The following PPP3CA variants were observed in gnomAD, a reference collection of about 807,000 sequenced individuals.
PPP3CA encodes the protein CAM-PRP catalytic subunit.
In PPP3CA, 14 loss-of-function variants were observed where a neutral mutation model predicts 66.5. That is an observed-to-expected ratio of 0.21 (90% CI 0.14 to 0.33). The LOEUF (loss-of-function observed/expected upper bound fraction) is 0.33. Ranked by LOEUF, PPP3CA falls within the 10% of genes least tolerant of loss-of-function variation. The probability of loss-of-function intolerance (pLI) is 1.00; values close to 1 mark genes in which losing one functional copy is unlikely to be tolerated. For synonymous variants in PPP3CA, 232 were observed against 226.2 expected, an observed-to-expected ratio of 1.03 and a Z score of -0.23; for missense variants, 317 against 639.5, an observed-to-expected ratio of 0.50 and a Z score of 5.44.
chr4:101,277,584 C>T (rs1460973270), intron 1 of PPP3CA, among the ~76,000 whole-genome samples: 1 of 152,182 alleles, frequency 6.6e-6, no homozygotes, highest in Non-Finnish European at 1.5e-5. Flanking sequence ...GCACATTCAA[C>T]TTACGCATGC....
chr4:101,326,619 G>A (rs1419382495), intron 1 of PPP3CA, among the ~76,000 whole-genome samples: 1 of 152,116 alleles, frequency 6.6e-6, no homozygotes, highest in East Asian at 1.9e-4. Context: ...ATCACAAACA[G>A]CAACAGGTAG....
intron 11 of PPP3CA, among the ~76,000 whole-genome samples, chr4:101,037,337 A>AGGTTGTATTTTATCTG (rs1371277688): frequency 1.3e-5 from 2 of 152,350 alleles, no homozygotes; most frequent in East Asian, 3.9e-4. Flanking sequence ...ACCCTAGGCA[A>AGGTTGTATTTTATCTG]CAGACTTGTA....
intron 1 of PPP3CA, among the ~76,000 whole-genome samples, chr4:101,213,283 A>T (rs778913779): frequency 6.6e-6 from 1 of 152,196 alleles, no homozygotes; most frequent in Non-Finnish European, 1.5e-5. Flanking sequence ...ACTATGAAAC[A>T]GTGTATGACC....
At chr4:101,055,745 C>T (rs921550300) in intron 10 of PPP3CA, among the ~76,000 whole-genome samples, 2 of 151,978 alleles carry the variant, frequency 1.3e-5, no homozygotes, top group African/African-American at 4.8e-5. Context: ...TTCTTCTTAG[C>T]CTATGTTAAA....
intron 6 of PPP3CA, among the ~76,000 whole-genome samples, chr4:101,087,762 A>G (rs1729734172): frequency 6.6e-6 from 1 of 152,180 alleles, no homozygotes; most frequent in African/African-American, 2.4e-5. Flanking sequence ...TTAACCTTGC[A>G]CATGTCGTTT....
intron 3 of PPP3CA, among the ~76,000 whole-genome samples, chr4:101,105,397 C>T (rs562337020): frequency 4.0e-5 from 6 of 151,566 alleles, no homozygotes; most frequent in East Asian, 3.9e-4. Context: ...GATCTCTTGA[C>T]CTCGTGATCT....
chr4:101,199,649 C>A (rs1250468892), intron 1 of PPP3CA, among the ~76,000 whole-genome samples: 1 of 152,198 alleles, frequency 6.6e-6, no homozygotes, highest in Non-Finnish European at 1.5e-5. Context: ...CCTTGACTGA[C>A]TCCTAACAGA....
chr4:101,153,488 C>T (rs1338884633), intron 2 of PPP3CA, among the ~76,000 whole-genome samples: 1 of 152,124 alleles, frequency 6.6e-6, no homozygotes, highest in African/African-American at 2.4e-5. Context: ...TGTATAAACA[C>T]TTGGTACATG....
chr4:101,032,162 A>G, intron 12 of PPP3CA, 105 bp downstream of exon 12: 1 of 820,928 alleles, frequency 1.2e-6, no homozygotes, highest in Non-Finnish European at 1.8e-6. Flanking sequence ...TGAGAAGAAG[A>G]ACCGAAGACC....
At chr4:101,163,500 T>C (rs529583433) in intron 2 of PPP3CA, among the ~76,000 whole-genome samples, 56 of 152,292 alleles carry the variant, frequency 3.7e-4, no homozygotes, top group African/African-American at 1.3e-3. Context: ...AATTGCTTGA[T>C]GTAGGCTTTA....
At chr4:101,067,494 GTA>G (rs1470258562) in intron 8 of PPP3CA, among the ~76,000 whole-genome samples, 1 of 150,798 alleles carries the variant, frequency 6.6e-6, no homozygotes, top group Non-Finnish European at 1.5e-5. Flanking sequence ...ATCCAAATCT[GTA>G]AAACAGGGGG....
chr4:101,180,964 G>A (rs1272896763), intron 2 of PPP3CA, among the ~76,000 whole-genome samples: 1 of 152,014 alleles, frequency 6.6e-6, no homozygotes, highest in Non-Finnish European at 1.5e-5. Context: ...ATATGGGAGG[G>A]TCGCTTTAGC....
intron 1 of PPP3CA, among the ~76,000 whole-genome samples, chr4:101,282,868 CTA>C (rs1267702033): frequency 3.3e-5 from 5 of 152,154 alleles, no homozygotes; most frequent in African/African-American, 7.2e-5. Context: ...TCATCCAACT[CTA>C]ATTTGAAATC....
chr4:101,146,464 A>G (rs1025253835), intron 2 of PPP3CA, among the ~76,000 whole-genome samples: 4 of 151,120 alleles, frequency 2.6e-5, no homozygotes, highest in Non-Finnish European at 5.9e-5. Context: ...TTTTTTTTAA[A>G]TGGAGTCTCG....
intron 5 of PPP3CA, among the ~76,000 whole-genome samples, chr4:101,097,295 G>T (rs1730237676): frequency 2.0e-5 from 3 of 151,894 alleles, no homozygotes; most frequent in Admixed American, 6.6e-5. Flanking sequence ...ATAATAAAAG[G>T]TTAGAATTAT....
At chr4:101,028,407 A>G (rs937716184) in intron 13 of PPP3CA, among the ~76,000 whole-genome samples, 6 of 152,228 alleles carry the variant, frequency 3.9e-5, no homozygotes, top group African/African-American at 1.4e-4. Context: ...CAGTGCTAGA[A>G]CACAGCTGGA....
At chr4:101,149,538 T>C (rs1723072924) in intron 2 of PPP3CA, among the ~76,000 whole-genome samples, 2 of 152,166 alleles carry the variant, frequency 1.3e-5, no homozygotes, top group South Asian at 2.1e-4. Flanking sequence ...ACAATGGCAA[T>C]GTTTGTTTTG....
rs1730714732 is a variant in PPP3CA, at chr4:101,106,445, GAAAGAAAGA to G, written c.384+2500_384+2508del. Reference sequence around the variant, plus strand: ...AGAAAGAAAGAAAGAAAGAAAGAAAGAAAGAAAGAGAAAAGAAAAGAAAAGAAAAGAAAA... The same window carrying G: ...AGAAAGAAAGAAAGAAAGAAAGAAAGGAAAAGAAAAGAAAAGAAAAGAAAA... On this transcript the variant is annotated intron_variant, in intron 3 of 13. Coordinates refer to ENST00000394854, the MANE Select transcript of PPP3CA (RefSeq NM_000944.5). Among the ~76,000 whole-genome samples the G allele has an allele frequency of 1.9e-3, 23 of 12,214 alleles. 9 individuals are homozygous for G. The highest frequency in any genetic ancestry group is 6.5e-3 in the African/African-American group (23 of 3,512). The allele number at this position is 12,214 out of a possible 152,430, so 8.0% of individuals were successfully genotyped here.
At chr4:101,208,976 T>C (rs572012886) in intron 1 of PPP3CA, among the ~76,000 whole-genome samples, 2 of 152,264 alleles carry the variant, frequency 1.3e-5, no homozygotes, top group South Asian at 4.1e-4. Flanking sequence ...ACTCATTACA[T>C]AAATGGAAAC....
Sources: allele counts gnomAD v4.1 joint callset (sites outside exome capture counted in the v4.1 genomes callset), GRCh38; gene constraint gnomAD v4.1.1; transcripts MANE v1.5; gene names NCBI Gene and HGNC (gene_info 2026-07-23, HGNC 2026-07-21).